The following INTU variants were observed in gnomAD, a reference collection of about 807,000 sequenced individuals.
INTU encodes inturned planar cell polarity protein.
Under a neutral mutation model 100.5 loss-of-function variants are expected in INTU, and 68 were observed. The observed-to-expected ratio is 0.68, with a 90% CI of 0.56 to 0.83. The LOEUF is 0.83. Ranked by LOEUF, INTU falls within the 40% of genes least tolerant of loss-of-function variation. INTU has a pLI of 0.00. For synonymous variants in INTU, 357 were observed against 395.7 expected (o/e 0.90, Z 1.16); for missense variants, 1,071 against 1,114.7 (o/e 0.96, Z 0.56).
At chr4:127,704,702 C>T (rs1377578961) in intron 10 of INTU, among the ~76,000 whole-genome samples, 1 of 152,132 alleles carries the variant, frequency 6.6e-6, no homozygotes, top group Non-Finnish European at 1.5e-5. Context: ...CAAATGTGCA[C>T]AGGAGAAGCA....
chr4:127,659,772 G>C (rs1465614478), intron 3 of INTU, among the ~76,000 whole-genome samples: 6 of 152,128 alleles, frequency 3.9e-5, no homozygotes, highest in Non-Finnish European at 5.9e-5. Flanking sequence ...TCCTTTTCTA[G>C]GAGAACAGCC....
chr4:127,645,389 G>T (rs959530946), intron 2 of INTU, among the ~76,000 whole-genome samples: 2 of 151,950 alleles, frequency 1.3e-5, no homozygotes. Flanking sequence ...TGAAGCCCTC[G>T]CCACCAGATG....
At chr4:127,682,863 T>A (rs994218426) in intron 6 of INTU, among the ~76,000 whole-genome samples, 1 of 152,116 alleles carries the variant, frequency 6.6e-6, no homozygotes, top group Non-Finnish European at 1.5e-5. Flanking sequence ...GTAAAACATG[T>A]CTCTTTAAGA....
In INTU at chr4:127,656,263, G is replaced by A. The variant is rs139321317; in HGVS notation, c.683-373G>A. On this transcript the variant is annotated intron_variant, in intron 2 of 15. Coordinates refer to ENST00000335251, the MANE Select transcript of INTU (RefSeq NM_015693.4). ...GGCTCCTCTGTTTTGTTTTTACTGT[G>A]GGTCTAAGTGGTTAGATTCAGTTTT... is the stretch of plus-strand genomic sequence containing the variant. Among the ~76,000 whole-genome samples, 205 of 152,170 alleles carry A rather than the reference G, an allele frequency of 1.3e-3. 1 individual carries two copies. The highest frequency in any genetic ancestry group is 4.2e-3 in the African/African-American group (175 of 41,518).
intron 5 of INTU, among the ~76,000 whole-genome samples, 195 bp from the exon 6 acceptor site, chr4:127,673,921 GTTTTTTTT>G (rs372029639): frequency 1.4e-5 from 2 of 138,864 alleles, no homozygotes; most frequent in East Asian, 4.3e-4. Flanking sequence ...CTGTTTTTTT[GTTTTTTTT>G]TTTTAATATG....
intron 2 of INTU, among the ~76,000 whole-genome samples, chr4:127,650,966 G>A (rs1727837205): frequency 6.6e-6 from 1 of 152,120 alleles, no homozygotes; most frequent in Non-Finnish European, 1.5e-5. Context: ...TTTCTCTGAT[G>A]GCCAGTGATG....
rs1731410439 is a variant in INTU, at chr4:127,725,914, C to T, written c.*9478C>T. On this transcript the variant is annotated 3_prime_UTR_variant, in exon 16 of 16. Coordinates refer to ENST00000335251, the MANE Select transcript of INTU (RefSeq NM_015693.4). The stretch of plus-strand genomic sequence containing the variant: ...AAACTGATTATCAGACAATAAAGTG[C>T]CTGTTACTTTATTAAATAAAGGGGG... The T allele has an allele frequency of 6.6e-6, 1 of 151,962 alleles. No homozygotes were observed. Among genetic ancestry groups the T allele is most frequent in the Non-Finnish European group, 1.5e-5 (1 of 67,996 alleles). The allele number at this position is 151,962 out of a possible 1,614,324, so 9.4% of individuals were successfully genotyped here. A position where few individuals can be genotyped will look rare whatever the true frequency, so the allele number is the denominator to read the frequency against.
At chr4:127,662,179 G>GT (rs1441686567) in intron 3 of INTU, among the ~76,000 whole-genome samples, 2 of 151,944 alleles carry the variant, frequency 1.3e-5, no homozygotes, top group Non-Finnish European at 2.9e-5. Context: ...CTGAATATTA[G>GT]TTTTTTTGTC....
chr4:127,673,516 A>G (rs1399985737), intron 5 of INTU, among the ~76,000 whole-genome samples: 2 of 151,392 alleles, frequency 1.3e-5, no homozygotes, highest in African/African-American at 4.9e-5. Flanking sequence ...AAAAAATTAT[A>G]TTTAGTCACT....
rs869116277 is a variant in INTU, at chr4:127,640,542, CATATATATATATATATATAT to C, written c.147-2949_147-2930del. Among the ~76,000 whole-genome samples, 167 of 53,638 alleles carry C rather than the reference CATATATATATATATATATAT, an allele frequency of 3.1e-3. 4 individuals carry two copies. Among genetic ancestry groups the C allele is most frequent in the Middle Eastern group, 0.014 (1 of 70 alleles). 35.2% of individuals were successfully genotyped at this position (53,638 alleles called of 152,430 possible). ...TGGTATAGTCTTTTGGGTAAAGATA[CATATATATATATATATATAT>C]ATATATATATATATATATATATATA... is the stretch of plus-strand genomic sequence containing the variant. On this transcript the variant is annotated intron_variant, in intron 1 of 15. Coordinates refer to ENST00000335251, the MANE Select transcript of INTU (RefSeq NM_015693.4).
At chr4:127,686,933 A>G (rs1423860527) in intron 7 of INTU, 2 of 152,200 alleles carry the variant, frequency 1.3e-5, no homozygotes, top group Non-Finnish European at 2.9e-5. Flanking sequence ...TCATTCAGTG[A>G]GCTGTTCCAA....
rs1350976986 is a variant in INTU at position 127,726,662 on chromosome 4, ATATTC to A, written c.*10230_*10234del. The A allele has an allele frequency of 2.6e-5, 4 of 152,226 alleles. No individual in the cohort carries two copies. The highest frequency in any genetic ancestry group is 9.6e-5 in the African/African-American group (4 of 41,466). 9.4% of individuals were successfully genotyped at this position (152,226 alleles called of 1,614,324 possible). A position where few individuals can be genotyped will look rare whatever the true frequency, so the allele number is the denominator to read the frequency against. ...AATTTAATTTTGCAGTTGTGTTTCT[ATATTC>A]TATGTAATTAAAGCTACTTTTATAC... On this transcript the variant is annotated 3_prime_UTR_variant, in exon 16 of 16. Coordinates refer to ENST00000335251, the MANE Select transcript of INTU (RefSeq NM_015693.4).
chr4:127,639,603 T>C (rs2126173787), intron 1 of INTU, among the ~76,000 whole-genome samples: 1 of 152,292 alleles, frequency 6.6e-6, no homozygotes, highest in South Asian at 2.1e-4. Context: ...TAAAATTTCT[T>C]AATACACTAA....
At chr4:127,660,227 T>C (rs1393417537) in intron 3 of INTU, among the ~76,000 whole-genome samples, 1 of 151,944 alleles carries the variant, frequency 6.6e-6, no homozygotes, top group East Asian at 1.9e-4. Context: ...AAGAGGACAA[T>C]ATTTTCTACA....
At chr4:127,645,274 G>A (rs1054778217) in intron 2 of INTU, among the ~76,000 whole-genome samples, 1 of 152,184 alleles carries the variant, frequency 6.6e-6, no homozygotes, top group African/African-American at 2.4e-5. Context: ...ATCATAAAAG[G>A]TGATGCAGCT....
intron 11 of INTU, 45 bp downstream of exon 11, chr4:127,705,857 T>C (rs373503637): frequency 1.5e-4 from 228 of 1,523,022 alleles, no homozygotes; most frequent in Middle Eastern, 5.2e-4. Context: ...CTTCTTTTCT[T>C]TTATTTTTTT....
chr4:127,665,047 C>T (rs1728635023), intron 4 of INTU, among the ~76,000 whole-genome samples: 1 of 151,686 alleles, frequency 6.6e-6, no homozygotes, highest in Non-Finnish European at 1.5e-5. Context: ...ACTATCTTAA[C>T]CCCTTTTCAA....
Position 127,720,856 on chromosome 4 carries a change from T to C in INTU, c.*4420T>C, listed in dbSNP as rs1289157868. On this transcript the variant is annotated 3_prime_UTR_variant, in exon 16 of 16. Coordinates refer to ENST00000335251, the MANE Select transcript of INTU (RefSeq NM_015693.4). ...TTCCTTCATCCTTTTATTTTGAGTCTATGTGTGTCCTTGCATGTGAGATGG... is the reference window on the plus strand; with the variant it reads ...TTCCTTCATCCTTTTATTTTGAGTCCATGTGTGTCCTTGCATGTGAGATGG... 1 of 152,196 alleles carries C rather than the reference T, an allele frequency of 6.6e-6. No homozygotes were observed. 9.4% of individuals were successfully genotyped at this position (152,196 alleles called of 1,614,324 possible).
chr4:127,699,947 T>C (rs1465342975), intron 8 of INTU, 63 bp from the exon 9 acceptor site: 2 of 1,261,212 alleles, frequency 1.6e-6, no homozygotes, highest in Non-Finnish European at 2.2e-6. Flanking sequence ...ATATGGCCAT[T>C]ACTAAAAAAG....
Sources: allele counts gnomAD v4.1 joint callset (sites outside exome capture counted in the v4.1 genomes callset), GRCh38; gene constraint gnomAD v4.1.1; transcripts MANE v1.5; gene names NCBI Gene and HGNC (gene_info 2026-07-23, HGNC 2026-07-21).